MCPH1: variants seen among roughly 807,000 people sequenced by gnomAD.
MCPH1 encodes the protein microcephalin 1.
A neutral mutation model predicts 84.5 loss-of-function variants in MCPH1; 104 were observed. The ratio of observed to expected loss-of-function variants is 1.23; its 90% confidence interval spans 1.05 to 1.45. The LOEUF (loss-of-function observed/expected upper bound fraction) is 1.45. Among genes scored for constraint, MCPH1 ranks in the 40% most tolerant of loss-of-function variants. The pLI, the probability that MCPH1 is intolerant of heterozygous loss-of-function variation, is 0.00. For synonymous variants in MCPH1, 514 were observed against 366.8 expected, an observed-to-expected ratio of 1.40 and a Z score of -4.58; for missense variants, 1,498 against 1,005.7, an observed-to-expected ratio of 1.49 and a Z score of -6.62.
chr8:6,627,637 T>A (rs952452255), intron 13 of MCPH1, among the ~76,000 whole-genome samples: 7 of 152,178 alleles, frequency 4.6e-5, no homozygotes, highest in African/African-American at 1.7e-4. Context: ...ATGCCTATAA[T>A]CCCAGCACTT....
chr8:6,504,200 C>G (rs1812779472), intron 12 of MCPH1, among the ~76,000 whole-genome samples: 2 of 151,540 alleles, frequency 1.3e-5, no homozygotes, highest in Admixed American at 6.6e-5. Flanking sequence ...CGCCTGTAGT[C>G]CCAGCTACTC....
chr8:6,518,526 C>G (rs997025264), intron 12 of MCPH1, among the ~76,000 whole-genome samples: 1 of 152,144 alleles, frequency 6.6e-6, no homozygotes. Context: ...TTGAATAGCA[C>G]AATATTTATC....
chr8:6,606,946 G>C lies in MCPH1; in HGVS notation c.2215-14508G>C, dbSNP rs999658902. On this transcript the variant is annotated intron_variant, in intron 12 of 13. Transcript: ENST00000344683. The stretch of plus-strand genomic sequence containing the variant: ...GAGTGTGAGGCCTCCCCAGCCACAT[G>C]GAACTGTAAGTCCATTAAACCTCTT... Among the ~76,000 whole-genome samples the C allele has an allele frequency of 5.8e-4, 89 of 152,188 alleles. 1 individual carries two copies. Among genetic ancestry groups the C allele is most frequent in the African/African-American group, 2.7e-4 (11 of 41,446 alleles).
intron 12 of MCPH1, among the ~76,000 whole-genome samples, chr8:6,505,661 T>C (rs1234934007): frequency 7.6e-6 from 1 of 130,794 alleles, no homozygotes; most frequent in Non-Finnish European, 1.6e-5. Context: ...TATTTATATA[T>C]AGAATATATA....
chr8:6,511,607 T>C (rs1488112039), intron 12 of MCPH1, among the ~76,000 whole-genome samples: 1 of 152,238 alleles, frequency 6.6e-6, no homozygotes, highest in Non-Finnish European at 1.5e-5. Flanking sequence ...CATTTGCAGT[T>C]ATGAGAAGTT....
chr8:6,570,630 G>A (rs1198275030), intron 12 of MCPH1, among the ~76,000 whole-genome samples: 1 of 152,164 alleles, frequency 6.6e-6, no homozygotes, highest in Non-Finnish European at 1.5e-5. Flanking sequence ...AACCCTGTTA[G>A]TGGGAAGGAT....
intron 12 of MCPH1, among the ~76,000 whole-genome samples, chr8:6,608,236 C>A (rs1018070023): frequency 1.3e-5 from 2 of 152,210 alleles, no homozygotes; most frequent in Non-Finnish European, 2.9e-5. Flanking sequence ...CCTCACCTGC[C>A]CGTGCTTACC....
chr8:6,636,266 G>A (rs1797548452), intron 13 of MCPH1, among the ~76,000 whole-genome samples: 1 of 151,810 alleles, frequency 6.6e-6, no homozygotes, highest in Admixed American at 6.6e-5. Context: ...CTTGAGCCTG[G>A]GAGGTAGAGA....
At chr8:6,492,663 T>A (rs1214449022) in intron 11 of MCPH1, among the ~76,000 whole-genome samples, 2 of 147,932 alleles carry the variant, frequency 1.4e-5, no homozygotes, top group Non-Finnish European at 3.0e-5. Context: ...AAATAGTTAA[T>A]ATTAAATTTT....
chr8:6,429,391 C>G (rs1284707260), intron 3 of MCPH1, among the ~76,000 whole-genome samples: 1 of 152,084 alleles, frequency 6.6e-6, no homozygotes, highest in Non-Finnish European at 1.5e-5. Context: ...ACCCTCTGCC[C>G]TCTGCACTTT....
At chr8:6,494,584 G>A (rs1811037367) in intron 11 of MCPH1, 1 of 152,164 alleles carries the variant, frequency 6.6e-6, no homozygotes, top group Non-Finnish European at 1.5e-5. Flanking sequence ...CTGATCACTA[G>A]CCTTCATTAA....
intron 12 of MCPH1, chr8:6,527,623 C>T (rs139251288): frequency 5.0e-6 from 8 of 1,613,794 alleles, no homozygotes; most frequent in South Asian, 1.1e-5. Context: ...ATTTGTTTGT[C>T]GAGAGGGAGT....
At chr8:6,494,866 G>A (rs1013580938) in intron 11 of MCPH1, among the ~76,000 whole-genome samples, 1 of 152,090 alleles carries the variant, frequency 6.6e-6, no homozygotes, top group African/African-American at 2.4e-5. Flanking sequence ...CCATTGAATT[G>A]CACACTTTAA....
At chr8:6,564,038 G>A (rs540082155) in intron 12 of MCPH1, among the ~76,000 whole-genome samples, 98 of 140,436 alleles carry the variant, frequency 7.0e-4, no homozygotes, top group Non-Finnish European at 6.0e-4. Flanking sequence ...CTAGAGTGCA[G>A]TGGGGCAATG....
At chr8:6,487,253 T>G (rs2440432) in intron 11 of MCPH1, among the ~76,000 whole-genome samples, 43,504 of 152,170 alleles carry the variant, frequency 0.29, 6,477 homozygotes, top group African/African-American at 0.36. Flanking sequence ...CAAAAATGAT[T>G]TCATGATGAC....
intron 12 of MCPH1, among the ~76,000 whole-genome samples, chr8:6,590,488 G>T (rs970917752): frequency 6.6e-6 from 1 of 152,152 alleles, no homozygotes; most frequent in South Asian, 2.1e-4. Flanking sequence ...TCAAACTCAT[G>T]TCAGATGCCC....
At chr8:6,455,774 G>GT (rs1313818927) in intron 9 of MCPH1, among the ~76,000 whole-genome samples, 1 of 152,142 alleles carries the variant, frequency 6.6e-6, no homozygotes, top group Non-Finnish European at 1.5e-5. Context: ...GATTTTAAAT[G>GT]TTTTTATCAT....
chr8:6,496,028 T>C (rs1221912525), intron 11 of MCPH1, among the ~76,000 whole-genome samples: 1 of 152,186 alleles, frequency 6.6e-6, no homozygotes, highest in East Asian at 1.9e-4. Context: ...AGGAATGGTT[T>C]TGGGATGATT....
chr8:6,475,566 T>G (rs989144162), intron 9 of MCPH1, among the ~76,000 whole-genome samples: 1 of 152,132 alleles, frequency 6.6e-6, no homozygotes, highest in Non-Finnish European at 1.5e-5. Flanking sequence ...CGATAGGAAA[T>G]AAGTTCCAAG....
Sources: gnomAD v4.1 joint callset for allele counts (sites outside exome capture counted in the v4.1 genomes callset) on GRCh38, gnomAD v4.1.1 for gene constraint, MANE v1.5 for transcripts, NCBI Gene and HGNC (gene_info 2026-07-23, HGNC 2026-07-21) for gene names.